LRRC75A: variants seen among roughly 807,000 people sequenced by gnomAD.
The protein encoded by LRRC75A is leucine rich repeat containing 75A.
In LRRC75A, 12 loss-of-function variants were observed where a neutral mutation model predicts 26.0. The ratio of observed to expected loss-of-function variants is 0.46; its 90% CI spans 0.30 to 0.75. The LOEUF (loss-of-function observed/expected upper bound fraction) is 0.75, where lower values mean the gene tolerates loss of function less well. Ranked by LOEUF, LRRC75A falls within the 30% of genes least tolerant of loss-of-function variation. LRRC75A has a pLI of 0.08. For synonymous variants in LRRC75A, 223 were observed against 219.3 expected (o/e 1.02, Z -0.15); for missense variants, 410 against 486.6 (o/e 0.84, Z 1.48).
chr17:16,460,445 T>C (rs534058153), intron 2 of LRRC75A, among the ~76,000 whole-genome samples: 3 of 152,222 alleles, frequency 2.0e-5, no homozygotes, highest in African/African-American at 7.2e-5. Flanking sequence ...ACCCACTCCC[T>C]GGCCTGCCTC....
chr17:16,464,825 C>T (rs1454330561), intron 1 of LRRC75A, among the ~76,000 whole-genome samples: 1 of 94,618 alleles, frequency 1.1e-5, no homozygotes, highest in Non-Finnish European at 2.4e-5. Flanking sequence ...AAAATCACAG[C>T]CCTGCCTCCC....
At chr17:16,453,906 G>C (rs1485880183) in intron 2 of LRRC75A, among the ~76,000 whole-genome samples, 1 of 152,066 alleles carries the variant, frequency 6.6e-6, no homozygotes, top group Admixed American at 6.6e-5. Flanking sequence ...CATAAAACTA[G>C]GCAGGTCACT....
chr17:16,492,118 G>A lies in LRRC75A; in HGVS notation c.-128C>T. ...AACTTTGGGGGAACTGTTGCGCGCGGGCGTCGCGGGGGCGGGCGGGCGGGC... is the reference window on the plus strand; with the variant it reads ...AACTTTGGGGGAACTGTTGCGCGCGAGCGTCGCGGGGGCGGGCGGGCGGGC... On this transcript the variant is annotated 5_prime_UTR_variant, in exon 1 of 4. Transcript: ENST00000470794. 1 of 817,254 alleles carries A rather than the reference G, an allele frequency of 1.2e-6. No homozygotes were observed. The highest frequency in any genetic ancestry group is 5.6e-5 in the South Asian group (1 of 17,778). The allele number at this position is 817,254 out of a possible 1,614,324, so 50.6% of individuals were successfully genotyped here. A position where few individuals can be genotyped will look rare whatever the true frequency, so the allele number is the denominator to read the frequency against.
intron 1 of LRRC75A, among the ~76,000 whole-genome samples, chr17:16,486,750 AG>A (rs1339469941): frequency 6.6e-6 from 1 of 152,232 alleles, no homozygotes; most frequent in African/African-American, 2.4e-5. Context: ...GCAGGCTGCC[AG>A]GAACAGCCAA....
chr17:16,455,685 A>G (rs1185912296), intron 2 of LRRC75A, among the ~76,000 whole-genome samples: 1 of 152,116 alleles, frequency 6.6e-6, no homozygotes, highest in Admixed American at 6.6e-5. Flanking sequence ...CTACAACCCT[A>G]TGAGACAGGT....
Position 16,443,621 on chromosome 17 carries a change from C to T in LRRC75A, c.1002G>A (p.Glu334=). 1.3e-6 allele frequency: 2 copies of T among 1,545,436 alleles called. No homozygotes were observed. Among genetic ancestry groups the T allele is most frequent in the Non-Finnish European group, 1.8e-6 (2 of 1,142,136 alleles). The change falls in exon 4 of 4, where the codon GAG becomes GAA. Residue 334 remains glutamate, a synonymous_variant. Transcript: ENST00000470794. ...GAGCTGCAGCTACAGTCTCCTTGCCCTCATGGTGGTCTTCGGCAGGTGCCA... is the reference window on the plus strand; with the variant it reads ...GAGCTGCAGCTACAGTCTCCTTGCCTTCATGGTGGTCTTCGGCAGGTGCCA... ...GPVAPAEDHH[E]GKETVAAAQT
intron 1 of LRRC75A, chr17:16,463,824 G>T (rs1339289991): frequency 1.3e-5 from 2 of 152,400 alleles, no homozygotes; most frequent in South Asian, 2.1e-4. Flanking sequence ...AAGGATGGGG[G>T]TGGGGCACGG....
At position 16,475,839 on chromosome 17, in the gene LRRC75A, G is replaced by A. The variant is rs1001227987; in HGVS notation, c.247-13453C>T. Among the ~76,000 whole-genome samples the A allele has an allele frequency of 7.9e-5, 12 of 152,280 alleles. No homozygotes were observed. In the South Asian group the frequency reaches 2.3e-3, roughly 29 times the overall value. On this transcript the variant is annotated intron_variant, in intron 1 of 3. Transcript: ENST00000470794. ...AGGTGGGCGGATCACCTGAGGTCCA[G>A]AGTTTGAGACCGGCCTGGTCAACAT...
At chr17:16,460,273 C>T (rs183499298) in intron 2 of LRRC75A, among the ~76,000 whole-genome samples, 52 of 152,266 alleles carry the variant, frequency 3.4e-4, no homozygotes, top group Non-Finnish European at 6.5e-4. Flanking sequence ...ACCCAGTCTA[C>T]GATAATTTGT....
chr17:16,465,739 A>G (rs990174512), intron 1 of LRRC75A, among the ~76,000 whole-genome samples: 25 of 151,700 alleles, frequency 1.6e-4, no homozygotes, highest in Admixed American at 1.2e-3. Context: ...TCCGGAGCCC[A>G]CTCCCCTGCC....
chr17:16,463,341 G>GC (rs372490319), intron 1 of LRRC75A: 2,439 of 152,044 alleles, frequency 0.016, 55 homozygotes, highest in African/African-American at 0.056. Context: ...CTTTCCTCAA[G>GC]CCCCCCCCTC....
At chr17:16,465,626 C>T (rs2093762017) in intron 1 of LRRC75A, among the ~76,000 whole-genome samples, 1 of 152,202 alleles carries the variant, frequency 6.6e-6, no homozygotes, top group Non-Finnish European at 1.5e-5. Flanking sequence ...TCCTGGACCC[C>T]CTACATCTCC....
At chr17:16,485,050 G>A (rs532799028) in intron 1 of LRRC75A, among the ~76,000 whole-genome samples, 1 of 151,776 alleles carries the variant, frequency 6.6e-6, no homozygotes, top group South Asian at 2.1e-4. Flanking sequence ...AGGAGAGCAG[G>A]CACCATAGGA....
chr17:16,479,416 G>A (rs1339451248), intron 1 of LRRC75A, among the ~76,000 whole-genome samples: 1 of 152,228 alleles, frequency 6.6e-6, no homozygotes, highest in Non-Finnish European at 1.5e-5. Context: ...AAACTTCTGT[G>A]TGGTCTCACC....
chr17:16,465,185 G>T (rs958763967), intron 1 of LRRC75A, among the ~76,000 whole-genome samples: 20 of 152,146 alleles, frequency 1.3e-4, no homozygotes, highest in African/African-American at 4.3e-4. Flanking sequence ...CCTCTGCTTT[G>T]CCCCTGGGCA....
intron 1 of LRRC75A, among the ~76,000 whole-genome samples, chr17:16,464,829 G>GC (rs34569247): frequency 0.6 from 91,468 of 152,066 alleles, 28,229 homozygotes; most frequent in African/African-American, 0.67. Flanking sequence ...TCACAGCCCT[G>GC]CCTCCCTGAG....
chr17:16,491,876 C>A lies in LRRC75A; in HGVS notation c.115G>T (p.Asp39Tyr). 7.3e-7 allele frequency: 1 copy of A among 1,368,502 alleles called. No individual in the cohort carries two copies. The highest frequency in any genetic ancestry group is 9.5e-7 in the Non-Finnish European group (1 of 1,057,370). The allele number at this position is 1,368,502 out of a possible 1,614,324, so 84.8% of individuals were successfully genotyped here. A position where few individuals can be genotyped will look rare whatever the true frequency, so the allele number is the denominator to read the frequency against. The change falls in exon 1 of 4, where the codon GAC becomes TAC. Residue 39 changes from aspartate to tyrosine, a missense_variant. Transcript: ENST00000470794. This position sits in a 1 kb window ranked among gnomAD's most constrained non-coding sequence, Gnocchi z 5.9. ...FWASLLLRAG[D>Y]KAGRAGAGMP... ...CCCGCGCCCGCGCGCCCCGCCTTGT[C>A]CCCGGCGCGCAGCAGCAGCGACGCC...
rs115777809 is a variant in LRRC75A at position 16,481,708 on chromosome 17, C to T, written c.246+10037G>A. Among the ~76,000 whole-genome samples, 859 of 152,206 alleles carry T rather than the reference C, an allele frequency of 5.6e-3. 12 individuals are homozygous for T. The highest frequency in any genetic ancestry group is 0.02 in the African/African-American group (815 of 41,540). On this transcript the variant is annotated intron_variant, in intron 1 of 3. Coordinates refer to ENST00000470794, the MANE Select transcript of LRRC75A (RefSeq NM_001113567.3). ...CAGGAGGGGAGACATGTCTCCTCCCCGAGCCCTGTCTGTGCTTGTCCTCAT... is the reference window on the plus strand; with the variant it reads ...CAGGAGGGGAGACATGTCTCCTCCCTGAGCCCTGTCTGTGCTTGTCCTCAT...
intron 2 of LRRC75A, among the ~76,000 whole-genome samples, chr17:16,460,558 C>T (rs1334415228): frequency 1.3e-5 from 2 of 152,198 alleles, no homozygotes; most frequent in Middle Eastern, 3.2e-3. Context: ...TCCCACCAGG[C>T]CCCTCCTCCT....
Sources: gnomAD v4.1 joint callset for allele counts (sites outside exome capture counted in the v4.1 genomes callset) on GRCh38, gnomAD v4.1.1 for gene constraint, Gnocchi (gnomAD v3.1) non-coding constraint, MANE v1.5 for transcripts, NCBI Gene and HGNC (gene_info 2026-07-23, HGNC 2026-07-21) for gene names.